The following RELB variants were observed in gnomAD, a reference collection of about 807,000 sequenced individuals.
RELB encodes RELB proto-oncogene, NF-kB subunit, also known as transcription factor RelB.
RELB carries 14 observed loss-of-function variants against 55.4 expected under a neutral mutation model. The observed-to-expected ratio is 0.25, with a 90% CI of 0.17 to 0.40. RELB has a LOEUF of 0.40. RELB is among the 10% of genes least tolerant of loss of function. The pLI, the probability that RELB is intolerant of heterozygous loss-of-function variation, is 1.00. For synonymous variants in RELB, 409 were observed against 371.3 expected (o/e 1.10, Z -1.17); for missense variants, 669 against 830.7 (o/e 0.81, Z 2.39).
At chr19:45,019,364 G>A (rs767361899) in intron 4 of RELB, among the ~76,000 whole-genome samples, 17 of 151,938 alleles carry the variant, frequency 1.1e-4, no homozygotes, top group South Asian at 2.1e-4. Flanking sequence ...ACGCCTGGCC[G>A]ACACATTGTT....
At chr19:45,009,119 T>C (rs1186797867) in intron 2 of RELB, among the ~76,000 whole-genome samples, 1 of 152,150 alleles carries the variant, frequency 6.6e-6, no homozygotes, top group African/African-American at 2.4e-5. Flanking sequence ...CTCGCTCTGT[T>C]GTCCAGGCTG....
chr19:45,007,289 G>A (rs1332943487), intron 2 of RELB, among the ~76,000 whole-genome samples: 1 of 152,182 alleles, frequency 6.6e-6, no homozygotes. Context: ...ACTGCTATTT[G>A]AGCAGAAACT....
Position 45,028,973 on chromosome 19 carries a change from C to T in RELB, c.972C>T (p.Leu324=). 3 of 1,588,046 alleles carry T rather than the reference C, an allele frequency of 1.9e-6. No homozygotes were observed. The highest frequency in any genetic ancestry group is 2.3e-5 in the South Asian group (2 of 86,646). ...CCGGTGGCGAGGAGCTCTACTTGCT[C>T]TGCGACAAGGTGCAGAAAGGTGAGG... ...PCTGGEELYL[L]CDKVQKEDIS... Residue 324 remains leucine, a synonymous_variant, in exon 8 of 12, where the codon CTC becomes CTT. Coordinates refer to ENST00000221452, the MANE Select transcript of RELB (RefSeq NM_006509.4).
rs1971637879 is a variant in RELB, at chr19:45,032,619, T to C, written c.1077T>C (p.Ile359=). 6.2e-7 allele frequency: 1 copy of C among 1,613,322 alleles called. No homozygotes were observed. The highest frequency in any genetic ancestry group is 1.3e-5 in the African/African-American group (1 of 74,842). ...CCGACGTGCACCGCCAGATTGCCAT[T>C]GTGTTCAAGACGCCGCCCTACGAGG... ...SQADVHRQIA[I]VFKTPPYEDL... is the part of the protein sequence containing the mutation. Residue 359 remains isoleucine, a synonymous_variant, in exon 9 of 12, where the codon ATT becomes ATC. Coordinates refer to ENST00000221452, the MANE Select transcript of RELB (RefSeq NM_006509.4).
chr19:45,033,103 G>A (rs1568405171), intron 9 of RELB, among the ~76,000 whole-genome samples: 1 of 152,152 alleles, frequency 6.6e-6, no homozygotes, highest in Admixed American at 6.6e-5. Context: ...ATAGTCCTGA[G>A]GATAGGGGAC....
intron 2 of RELB, chr19:45,003,501 C>T (rs1241431428): frequency 1.8e-5 from 8 of 452,276 alleles, no homozygotes; most frequent in South Asian, 8.1e-5. Context: ...AAAAAAAAAG[C>T]GTGACAGGTA....
At chr19:45,006,074 G>A (rs1971278499) in intron 2 of RELB, among the ~76,000 whole-genome samples, 2 of 152,232 alleles carry the variant, frequency 1.3e-5, no homozygotes, top group Admixed American at 6.5e-5. Flanking sequence ...AGATGAGGAG[G>A]CAGACACGTA....
At chr19:45,003,601 C>G (rs1431203004) in intron 2 of RELB, 1 of 517,722 alleles carries the variant, frequency 1.9e-6, no homozygotes, top group Non-Finnish European at 3.9e-6. Context: ...GGCTTTGGAG[C>G]TGGGGTTTAC....
intron 4 of RELB, among the ~76,000 whole-genome samples, chr19:45,017,961 A>T (rs1309000384): frequency 6.7e-6 from 1 of 149,384 alleles, no homozygotes; most frequent in Non-Finnish European, 1.5e-5. Context: ...ATTAGTTTGG[A>T]TGATAAAAGA....
intron 8 of RELB, among the ~76,000 whole-genome samples, chr19:45,032,033 C>G (rs759628632): frequency 6.6e-6 from 1 of 151,468 alleles, no homozygotes; most frequent in African/African-American, 2.4e-5. Flanking sequence ...GTCAGGAGAG[C>G]GAGACCATCC....
At chr19:45,032,845 A>C in intron 9 of RELB, 96 bp downstream of exon 9, 2 of 993,998 alleles carry the variant, frequency 2.0e-6, no homozygotes, top group Non-Finnish European at 3.0e-6. Flanking sequence ...CAGAACTAGA[A>C]TGCAGGCTCA....
rs760349296 is a variant in RELB at position 45,025,319 on chromosome 19, A to ACC, written c.663-6_663-5dup. On this transcript the variant is annotated splice_polypyrimidine_tract_variant and intron_variant, in intron 5 of 11. Coordinates refer to ENST00000221452, the MANE Select transcript of RELB (RefSeq NM_006509.4). Reference sequence around the variant, plus strand: ...CGAGCACTCCTCTCCCTCCCCCGTCACCCCCTCAGTTTTAACAACCTGGGC... The same window carrying ACC: ...CGAGCACTCCTCTCCCTCCCCCGTCACCCCCCCTCAGTTTTAACAACCTGGGC... 6.2e-7 allele frequency: 1 copy of ACC among 1,602,674 alleles called. No individual in the cohort carries two copies. Among genetic ancestry groups the ACC allele is most frequent in the Admixed American group, 1.7e-5 (1 of 58,426 alleles).
At chr19:45,007,368 C>T (rs1375711010) in intron 2 of RELB, among the ~76,000 whole-genome samples, 4 of 152,146 alleles carry the variant, frequency 2.6e-5, no homozygotes, top group Non-Finnish European at 5.9e-5. Flanking sequence ...TGGAAGATGT[C>T]GCGTGGTCAG....
intron 9 of RELB, among the ~76,000 whole-genome samples, chr19:45,033,115 G>C (rs1971645504): frequency 2.0e-5 from 3 of 152,168 alleles, no homozygotes; most frequent in African/African-American, 7.2e-5. Context: ...ATAGGGGACA[G>C]CCTGTCCCTA....
chr19:45,031,638 C>T (rs1275141222), intron 8 of RELB, among the ~76,000 whole-genome samples: 1 of 152,046 alleles, frequency 6.6e-6, no homozygotes, highest in African/African-American at 2.4e-5. Context: ...TGCAGTGGTG[C>T]GATCTTGGCT....
In RELB at chr19:45,003,915, G is replaced by GTTTTTTTTTTTTTTT. The variant is rs1039624578; in HGVS notation, c.154+931_154+945dup. Among the ~76,000 whole-genome samples the GTTTTTTTTTTTTTTT allele has an allele frequency of 3.1e-4, 20 of 63,574 alleles. 6 individuals are homozygous for GTTTTTTTTTTTTTTT. Among genetic ancestry groups the GTTTTTTTTTTTTTTT allele is most frequent in the Admixed American group, 5.3e-4 (2 of 3,786 alleles). The allele number at this position is 63,574 out of a possible 152,430, so 41.7% of individuals were successfully genotyped here. On this transcript the variant is annotated intron_variant, in intron 2 of 11. Coordinates refer to ENST00000221452, the MANE Select transcript of RELB (RefSeq NM_006509.4). Reference sequence around the variant, plus strand: ...TGGGTTTTTTTTGTCTGTTTTTTGTGTTTTTTTTTTTTTTTTTTTTTTTTT... The same window carrying GTTTTTTTTTTTTTTT: ...TGGGTTTTTTTTGTCTGTTTTTTGTGTTTTTTTTTTTTTTTTTTTTTTTTTTTTTTTTTTTTTTTT...
chr19:45,035,021 T>G (rs1041210148), intron 11 of RELB, among the ~76,000 whole-genome samples: 8 of 151,796 alleles, frequency 5.3e-5, no homozygotes, highest in Admixed American at 5.2e-4. Flanking sequence ...TTGTATTTTT[T>G]AGTAGAGACG....
chr19:45,008,274 A>G (rs1971308134), intron 2 of RELB, among the ~76,000 whole-genome samples: 1 of 152,234 alleles, frequency 6.6e-6, no homozygotes, highest in South Asian at 2.1e-4. Flanking sequence ...CAGATGAAGA[A>G]GCCAAGGCAC....
intron 2 of RELB, among the ~76,000 whole-genome samples, chr19:45,004,092 G>A (rs960616039): frequency 6.7e-6 from 1 of 149,612 alleles, no homozygotes; most frequent in Non-Finnish European, 1.5e-5. Flanking sequence ...CCCACTTTGT[G>A]TCTTTAGTAG....
Sources: gnomAD v4.1 joint callset for allele counts (sites outside exome capture counted in the v4.1 genomes callset) on GRCh38, gnomAD v4.1.1 for gene constraint, MANE v1.5 for transcripts, NCBI Gene and HGNC (gene_info 2026-07-23, HGNC 2026-07-21) for gene names.